Variants in ZNF583 observed in about 807,000 individuals in gnomAD.
ZNF583 encodes the protein zinc finger protein 583.
ZNF583 carries 30 observed loss-of-function variants against 55.3 expected under a neutral mutation model. The observed-to-expected ratio is 0.54, with a 90% CI of 0.41 to 0.74. ZNF583 has a LOEUF of 0.74. Among genes scored for constraint, ZNF583 ranks in the 30% least tolerant of loss-of-function variants. ZNF583 has a pLI of 0.00. For synonymous variants in ZNF583, 208 were observed against 220.0 expected, an observed-to-expected ratio of 0.95 and a Z score of 0.48; for missense variants, 504 against 664.7, an observed-to-expected ratio of 0.76 and a Z score of 2.66.
intron 2 of ZNF583, among the ~76,000 whole-genome samples, chr19:56,409,316 G>A (rs936601991): frequency 1.3e-5 from 2 of 152,216 alleles, no homozygotes; most frequent in Non-Finnish European, 2.9e-5. Context: ...GATAGCTAGA[G>A]TTAGCCACCT....
At chr19:56,407,226 C>G in intron 2 of ZNF583, 103 bp downstream of exon 2, 3 of 1,374,578 alleles carry the variant, frequency 2.2e-6, no homozygotes, top group Non-Finnish European at 3.1e-6. Context: ...AATAAGGTTC[C>G]ATTCATCCAG....
rs116332236 is a variant in ZNF583, at chr19:56,423,426, G to A, written c.768G>A (p.Ala256=). The stretch of plus-strand genomic sequence containing the variant: ...CGTTCAGCCAGAGTGCAAACTTGGC[G>A]CAACATAAGAGAATACATACTGGAG... ...GKTFSQSANL[A]QHKRIHTGEK... is the part of the protein sequence containing the mutation. Residue 256 remains alanine, a synonymous_variant, in exon 5 of 5, where the codon GCG becomes GCA. Coordinates refer to ENST00000333201, the MANE Select transcript of ZNF583 (RefSeq NM_152478.3). 3.7e-3 allele frequency: 6,021 copies of A among 1,613,694 alleles called. 20 individuals carry two copies. Among genetic ancestry groups the A allele is most frequent in the Admixed American group, 5.0e-3 (298 of 59,976 alleles).
chr19:56,415,641 GCA>G (rs2042309113), intron 4 of ZNF583, among the ~76,000 whole-genome samples: 1 of 152,158 alleles, frequency 6.6e-6, no homozygotes, highest in Non-Finnish European at 1.5e-5. Context: ...GTGGTGCACT[GCA>G]ACCTCCACCT....
Position 56,423,714 on chromosome 19 carries a change from T to C in ZNF583, c.1056T>C (p.Tyr352=), listed in dbSNP as rs1341404969. Reference sequence around the variant, plus strand: ...GAATTCATACAGGAGAGAAACCTTATGTGTGTAATGTGTGTGGGAAAGCCT... The same window carrying C: ...GAATTCATACAGGAGAGAAACCTTACGTGTGTAATGTGTGTGGGAAAGCCT... ...HQRIHTGEKP[Y]VCNVCGKAFS... Residue 352 remains tyrosine (Y), a synonymous_variant, in exon 5 of 5, where the codon TAT becomes TAC. Coordinates refer to ENST00000333201, the MANE Select transcript of ZNF583 (RefSeq NM_152478.3). 4 of 1,613,992 alleles carry C rather than the reference T, an allele frequency of 2.5e-6. No individual in the cohort carries two copies. The highest frequency in any genetic ancestry group is 2.2e-5 in the East Asian group (1 of 44,864).
chr19:56,426,765 T>C lies in ZNF583; in HGVS notation c.*2397T>C, dbSNP rs1355340347. The C allele has an allele frequency of 2.0e-5, 3 of 152,154 alleles. No homozygotes were observed. The highest frequency in any genetic ancestry group is 2.1e-4 in the South Asian group (1 of 4,830). 9.4% of individuals were successfully genotyped at this position (152,154 alleles called of 1,614,324 possible). A position where few individuals can be genotyped will look rare whatever the true frequency, so the allele number is the denominator to read the frequency against. On this transcript the variant is annotated 3_prime_UTR_variant, in exon 5 of 5. Coordinates refer to ENST00000333201, the MANE Select transcript of ZNF583 (RefSeq NM_152478.3). ...TGCATTGAAAGCATACAAAAAGAGA[T>C]ACTATGCACTAATTTAAAAGAGCAT...
rs1416189364 is a variant in ZNF583, at chr19:56,426,446, C to T, written c.*2078C>T. 1 of 152,092 alleles carries T rather than the reference C, an allele frequency of 6.6e-6. No homozygotes were observed. Among genetic ancestry groups the T allele is most frequent in the Non-Finnish European group, 1.5e-5 (1 of 68,010 alleles). 9.4% of individuals were successfully genotyped at this position (152,092 alleles called of 1,614,324 possible). On this transcript the variant is annotated 3_prime_UTR_variant, in exon 5 of 5. Coordinates refer to ENST00000333201, the MANE Select transcript of ZNF583 (RefSeq NM_152478.3). ...AGTCATAGATTTGACTGTATAAGAA[C>T]TTTATAAAGCTTTTATATGATCAAA...
At position 56,423,498 on chromosome 19, in the gene ZNF583, T is replaced by G; in HGVS notation, c.840T>G (p.Asn280Lys). 6.2e-7 allele frequency: 1 copy of G among 1,613,888 alleles called. No individual in the cohort carries two copies. Among genetic ancestry groups the G allele is most frequent in the East Asian group, 2.2e-5 (1 of 44,854 alleles). The change falls in exon 5 of 5, where the codon AAT (asparagine) becomes AAG (lysine). Residue 280 changes from asparagine to lysine, a missense_variant. Coordinates refer to ENST00000333201, the MANE Select transcript of ZNF583 (RefSeq NM_152478.3). ...CKECRKAFSQ[N>K]AHLAQHQRVH... The stretch of plus-strand genomic sequence containing the variant: ...AATGTAGGAAAGCCTTCAGCCAGAA[T>G]GCACACCTGGCCCAACATCAGAGAG...
At chr19:56,417,850 T>C (rs1415211100) in intron 4 of ZNF583, among the ~76,000 whole-genome samples, 1 of 152,220 alleles carries the variant, frequency 6.6e-6, no homozygotes, top group Non-Finnish European at 1.5e-5. Flanking sequence ...GTTCATTTTT[T>C]TTTCCATATG....
rs901590788 is a variant in ZNF583 at position 56,425,962 on chromosome 19, A to G, written c.*1594A>G. On this transcript the variant is annotated 3_prime_UTR_variant, in exon 5 of 5. Coordinates refer to ENST00000333201, the MANE Select transcript of ZNF583 (RefSeq NM_152478.3). ...CTTTTGGCATATAATCAATGCAGTG[A>G]TCAATTCACATGTGACTATAGATAC... The G allele has an allele frequency of 3.9e-5, 6 of 152,172 alleles. No individual in the cohort carries two copies. Among genetic ancestry groups the G allele is most frequent in the Non-Finnish European group, 8.8e-5 (6 of 68,026 alleles). 9.4% of individuals were successfully genotyped at this position (152,172 alleles called of 1,614,324 possible).
Position 56,407,023 on chromosome 19 carries a change from C to T in ZNF583, c.-89-3C>T, listed in dbSNP as rs1331157031. The T allele has an allele frequency of 4.0e-6, 6 of 1,487,540 alleles. No individual in the cohort carries two copies. The Admixed American group carries it at 5.6e-5, about 14-fold the overall frequency. 92.1% of individuals were successfully genotyped at this position (1,487,540 alleles called of 1,614,324 possible). ...CATTTTATGGTTTCTTTTCCTTCTC[C>T]AGCTCGACTTTCTCAGGATACTGTC... On this transcript the variant is annotated splice_polypyrimidine_tract_variant and splice_region_variant and intron_variant, in intron 1 of 4. Transcript: ENST00000333201.
intron 4 of ZNF583, among the ~76,000 whole-genome samples, chr19:56,418,830 A>G (rs1352239597): frequency 6.6e-6 from 1 of 152,210 alleles, no homozygotes; most frequent in Non-Finnish European, 1.5e-5. Flanking sequence ...TGCTGTTTCA[A>G]TCTTAAGGGA....
At chr19:56,414,889 C>T (rs1297121148) in intron 4 of ZNF583, 1 of 151,998 alleles carries the variant, frequency 6.6e-6, no homozygotes, top group Non-Finnish European at 1.4e-5. Flanking sequence ...AAAAATTAGC[C>T]AGGCCTGGTG....
chr19:56,422,829 G>A, intron 4 of ZNF583, 62 bp from the exon 5 acceptor site: 2 of 1,310,110 alleles, frequency 1.5e-6, no homozygotes, highest in Admixed American at 2.7e-5. Context: ...TCACGTTTTT[G>A]TTTTAGAAAT....
Position 56,423,275 on chromosome 19 carries a change from A to T in ZNF583, c.617A>T (p.Tyr206Phe), listed in dbSNP as rs1187476069. The change falls in exon 5 of 5, where the codon TAT becomes TTT. Residue 206 changes from tyrosine (Y) to phenylalanine (F), a missense_variant. Tyr to Phe is a conservative substitution (Grantham distance 22). Around this residue, in one of 3 missense-constraint regions of ZNF583, gnomAD observed 204 missense variants for 235.2 expected, o/e 0.87. Transcript: ENST00000333201. ...KSVEMKHRKV[Y>F]VEKKLLKCND... ...GTTGAAATGAAACATAGGAAAGTCT[A>T]TGTAGAAAAGAAACTTTTGAAATGT... 1 of 1,609,542 alleles carries T rather than the reference A, an allele frequency of 6.2e-7. No homozygotes were observed. Among genetic ancestry groups the T allele is most frequent in the Admixed American group, 1.7e-5 (1 of 58,916 alleles).
At chr19:56,413,819 C>A in intron 2 of ZNF583, 140 bp from the exon 3 acceptor site, 1 of 1,124,618 alleles carries the variant, frequency 8.9e-7, no homozygotes, top group Non-Finnish European at 1.3e-6. Flanking sequence ...ACATGTGTTG[C>A]TCAGAACCTA....
At chr19:56,418,784 A>C (rs2042368298) in intron 4 of ZNF583, among the ~76,000 whole-genome samples, 1 of 152,034 alleles carries the variant, frequency 6.6e-6, no homozygotes, top group South Asian at 2.1e-4. Flanking sequence ...CCTCCTATAT[A>C]ATGTGTAATT....
In ZNF583 at chr19:56,423,291, T is replaced by G; in HGVS notation, c.633T>G (p.Leu211=). Residue 211 remains leucine (L), a synonymous_variant, in exon 5 of 5, where the codon CTT becomes CTG. Coordinates refer to ENST00000333201, the MANE Select transcript of ZNF583 (RefSeq NM_152478.3). ...KHRKVYVEKK[L]LKCNDCEKVF... ...GGAAAGTCTATGTAGAAAAGAAACT[T>G]TTGAAATGTAATGATTGTGAGAAAG... 1.9e-6 allele frequency: 3 copies of G among 1,608,676 alleles called. No homozygotes were observed. The highest frequency in any genetic ancestry group is 2.5e-6 in the Non-Finnish European group (3 of 1,178,650).
intron 3 of ZNF583, 100 bp from the exon 4 acceptor site, chr19:56,414,245 T>C: frequency 6.7e-7 from 1 of 1,498,436 alleles, no homozygotes; most frequent in East Asian, 2.3e-5. Context: ...CCATTCTTAT[T>C]CCTCAGCTCC....
At chr19:56,421,888 A>G (rs2042421437) in intron 4 of ZNF583, among the ~76,000 whole-genome samples, 1 of 152,180 alleles carries the variant, frequency 6.6e-6, no homozygotes, top group Non-Finnish European at 1.5e-5. Flanking sequence ...GAAACATAAG[A>G]GTGTGGAATA....
Sources: allele counts gnomAD v4.1 joint callset (sites outside exome capture counted in the v4.1 genomes callset), GRCh38; gene constraint gnomAD v4.1.1; regional missense constraint gnomAD v4.1.1; transcripts MANE v1.5; gene names NCBI Gene and HGNC (gene_info 2026-07-23, HGNC 2026-07-21).